The following LHFPL2 variants were observed in gnomAD, a reference collection of about 807,000 sequenced individuals.
LHFPL2 encodes LHFPL tetraspan subfamily member 2, also known as LHFPL tetraspan subfamily member 2 protein.
LHFPL2 carries 7 observed loss-of-function variants against 17.5 expected under a neutral mutation model. That is an observed-to-expected ratio of 0.40 (90% CI 0.23 to 0.75). The LOEUF is 0.75. Ranked by LOEUF, LHFPL2 falls within the 30% of genes least tolerant of loss-of-function variation. The pLI, the probability that LHFPL2 is intolerant of heterozygous loss-of-function variation, is 0.37. For synonymous variants in LHFPL2, 134 were observed against 116.2 expected, an observed-to-expected ratio of 1.15 and a Z score of -0.99; for missense variants, 241 against 294.8, an observed-to-expected ratio of 0.82 and a Z score of 1.34.
At chr5:78,618,701 G>A (rs1744713645) in intron 2 of LHFPL2, among the ~76,000 whole-genome samples, 1 of 152,176 alleles carries the variant, frequency 6.6e-6, no homozygotes, top group Admixed American at 6.5e-5. Flanking sequence ...ATTGGTCAGG[G>A]CATTGACAAG....
At chr5:78,599,054 A>G (rs1207568876) in intron 2 of LHFPL2, among the ~76,000 whole-genome samples, 5 of 152,178 alleles carry the variant, frequency 3.3e-5, no homozygotes, top group Non-Finnish European at 7.3e-5. Context: ...GGTCACAGGA[A>G]GTGCTGCGCT....
intron 2 of LHFPL2, among the ~76,000 whole-genome samples, chr5:78,568,823 C>T (rs1007501443): frequency 6.6e-6 from 1 of 152,162 alleles, no homozygotes; most frequent in African/African-American, 2.4e-5. Context: ...AGCTTCATGG[C>T]AGAGCACTGT....
chr5:78,622,876 C>T (rs1371864874), intron 2 of LHFPL2, among the ~76,000 whole-genome samples: 1 of 152,096 alleles, frequency 6.6e-6, no homozygotes, highest in African/African-American at 2.4e-5. Context: ...CTGAGGCCTG[C>T]CTAGCTGGAG....
At chr5:78,640,824 C>T (rs116376285) in intron 1 of LHFPL2, among the ~76,000 whole-genome samples, 214 of 152,280 alleles carry the variant, frequency 1.4e-3, no homozygotes, top group African/African-American at 5.0e-3. Flanking sequence ...CCTAAATCCA[C>T]AGCAGTAAGA....
rs1251047185 is a variant in LHFPL2, at chr5:78,648,433, C to T, written c.-350+66G>A. The T allele has an allele frequency of 1.3e-5, 2 of 151,312 alleles. No homozygotes were observed. The highest frequency in any genetic ancestry group is 3.0e-5 in the Non-Finnish European group (2 of 67,762). 9.4% of individuals were successfully genotyped at this position (151,312 alleles called of 1,614,324 possible). A position where few individuals can be genotyped will look rare whatever the true frequency, so the allele number is the denominator to read the frequency against. ...CTCCCCATGCGCCCGCGCGGGGCGC[C>T]CACCTGGCCGGGCCCACCGGCTCTC... On this transcript the variant is annotated intron_variant, in intron 1 of 4. Transcript: ENST00000380345. The surrounding 1 kb of genome is among the most constrained non-coding windows in gnomAD (Gnocchi z 5.4).
intron 3 of LHFPL2, among the ~76,000 whole-genome samples, chr5:78,522,496 G>T (rs1371991405): frequency 6.6e-6 from 1 of 152,134 alleles, no homozygotes; most frequent in African/African-American, 2.4e-5. Context: ...CCAAACCAAA[G>T]AATTCACGTT....
In LHFPL2 at chr5:78,488,627, G is replaced by A. The variant is rs897986650; in HGVS notation, c.*270C>T. 4.4e-6 allele frequency: 2 copies of A among 456,672 alleles called. No homozygotes were observed. The highest frequency in any genetic ancestry group is 3.9e-5 in the African/African-American group (2 of 51,024). 28.3% of individuals were successfully genotyped at this position (456,672 alleles called of 1,614,324 possible). On this transcript the variant is annotated 3_prime_UTR_variant, in exon 5 of 5. Coordinates refer to ENST00000380345, the MANE Select transcript of LHFPL2 (RefSeq NM_005779.3). ...TAGATTATTATCCTTCATTGAACCT[G>A]GGGGAGATGGAGTCTGACAGAACTT...
intron 4 of LHFPL2, 117 bp downstream of exon 4, chr5:78,509,667 A>T: frequency 9.7e-7 from 1 of 1,036,068 alleles, no homozygotes; most frequent in Non-Finnish European, 1.4e-6. Context: ...AAACCTGAAT[A>T]GACAGAAAGT....
rs149396348 is a variant in LHFPL2 at position 78,577,646 on chromosome 5, C to G, written c.-244-12775G>C. On this transcript the variant is annotated intron_variant, in intron 2 of 4. Coordinates refer to ENST00000380345, the MANE Select transcript of LHFPL2 (RefSeq NM_005779.3). ...AAGCTGAGTCCATTCAAGACTCAAG[C>G]TCACAGCCTTAAGAAATGACTCCAC... Among the ~76,000 whole-genome samples, 518 of 152,296 alleles carry G rather than the reference C, an allele frequency of 3.4e-3. 4 individuals are homozygous for G. Among genetic ancestry groups the G allele is most frequent in the African/African-American group, 0.012 (502 of 41,542 alleles).
intron 2 of LHFPL2, among the ~76,000 whole-genome samples, chr5:78,587,349 T>A (rs2112455004): frequency 6.6e-6 from 1 of 152,286 alleles, no homozygotes; most frequent in East Asian, 1.9e-4. Flanking sequence ...AAGCTAACCA[T>A]TATGGAAGAA....
At chr5:78,514,845 G>T (rs1170172527) in intron 3 of LHFPL2, among the ~76,000 whole-genome samples, 1 of 152,126 alleles carries the variant, frequency 6.6e-6, no homozygotes, top group East Asian at 1.9e-4. Context: ...ACTTTTTTAT[G>T]AACGTTTTCA....
intron 4 of LHFPL2, among the ~76,000 whole-genome samples, chr5:78,509,529 G>A (rs913239128): frequency 8.5e-5 from 13 of 152,180 alleles, no homozygotes; most frequent in Admixed American, 5.9e-4. Context: ...CTTAGACCCC[G>A]AGGAAATAAG....
intron 1 of LHFPL2, chr5:78,644,478 A>G (rs1176693193): frequency 1.6e-6 from 1 of 615,754 alleles, no homozygotes; most frequent in African/African-American, 1.9e-5. Flanking sequence ...TTTCTTTACA[A>G]CTCACCAATG....
chr5:78,490,001 T>G (rs1754384345), intron 4 of LHFPL2, among the ~76,000 whole-genome samples: 1 of 152,212 alleles, frequency 6.6e-6, no homozygotes, highest in Admixed American at 6.5e-5. Context: ...GACCAGGTCT[T>G]TACCTGATTG....
At chr5:78,489,530 A>G (rs140707632) in intron 4 of LHFPL2, among the ~76,000 whole-genome samples, 1 of 152,248 alleles carries the variant, frequency 6.6e-6, no homozygotes, top group East Asian at 1.9e-4. Flanking sequence ...CAGCCTCCCA[A>G]GTAGCTCGGA....
chr5:78,605,277 A>G (rs1200761690), intron 2 of LHFPL2, among the ~76,000 whole-genome samples: 1 of 152,214 alleles, frequency 6.6e-6, no homozygotes, highest in South Asian at 2.1e-4. Flanking sequence ...CAGACATTCT[A>G]TAGGACACCC....
At chr5:78,505,899 A>G (rs927762583) in intron 4 of LHFPL2, among the ~76,000 whole-genome samples, 1 of 152,238 alleles carries the variant, frequency 6.6e-6, no homozygotes, top group African/African-American at 2.4e-5. Flanking sequence ...CCATTTTACA[A>G]GTGAGAAAAC....
At chr5:78,547,001 AG>A (rs543029533) in intron 3 of LHFPL2, among the ~76,000 whole-genome samples, 19 of 151,110 alleles carry the variant, frequency 1.3e-4, no homozygotes, top group African/African-American at 3.9e-4. Flanking sequence ...AGATGAAAGC[AG>A]AACTGTACTG....
chr5:78,556,799 G>C (rs1314810190), intron 3 of LHFPL2, among the ~76,000 whole-genome samples: 2 of 152,054 alleles, frequency 1.3e-5, no homozygotes, highest in Non-Finnish European at 2.9e-5. Context: ...GTAAAGAAAA[G>C]AATGTACAAA....
Sources: gnomAD v4.1 joint callset for allele counts (sites outside exome capture counted in the v4.1 genomes callset) on GRCh38, gnomAD v4.1.1 for gene constraint, Gnocchi (gnomAD v3.1) non-coding constraint, MANE v1.5 for transcripts, NCBI Gene and HGNC (gene_info 2026-07-23, HGNC 2026-07-21) for gene names.